The following JARID2 variants were observed in gnomAD, a reference collection of about 807,000 sequenced individuals.
The protein encoded by JARID2 is protein Jumonji.
JARID2 carries 21 observed loss-of-function variants against 125.6 expected under a neutral mutation model. The observed-to-expected ratio is 0.17, with a 90% CI of 0.12 to 0.24. JARID2 has a LOEUF of 0.24. Among genes scored for constraint, JARID2 ranks in the 10% least tolerant of loss-of-function variants. The pLI is 1.00. For synonymous variants in JARID2, 736 were observed against 661.6 expected (o/e 1.11, Z -1.73); for missense variants, 1,303 against 1,639.6 (o/e 0.79, Z 3.55).
In JARID2 at chr6:15,487,763, C is replaced by A. The variant is rs550706855; in HGVS notation, c.906+221C>A. ...GATTTGCATTCATCCCTGGGTGCCA[C>A]TGCATTCACCAAGAAAGTGAACTCA... is the stretch of plus-strand genomic sequence containing the variant. On this transcript the variant is annotated intron_variant, in intron 6 of 17. Coordinates refer to ENST00000341776, the MANE Select transcript of JARID2 (RefSeq NM_004973.4). Among the ~76,000 whole-genome samples, 11 of 152,372 alleles carry A rather than the reference C, an allele frequency of 7.2e-5. No individual in the cohort carries two copies. In the East Asian group the frequency reaches 2.1e-3, roughly 29 times the overall value.
At chr6:15,337,648 C>G (rs1457129320) in intron 1 of JARID2, among the ~76,000 whole-genome samples, 2 of 152,178 alleles carry the variant, frequency 1.3e-5, no homozygotes, top group Admixed American at 1.3e-4. Flanking sequence ...TTGCACTAAG[C>G]AAGGGGCTTT....
Position 15,374,107 on chromosome 6 carries a change from G to T in JARID2, c.46-10G>T, listed in dbSNP as rs1764265046. On this transcript the variant is annotated splice_polypyrimidine_tract_variant and intron_variant, in intron 1 of 17. Transcript: ENST00000341776. ...TTCAGTAACTCCTCTCTTTTCTTAT[G>T]TTTCTTCAGGATGACAGTGATGGGA... 6.2e-7 allele frequency: 1 copy of T among 1,611,646 alleles called. No homozygotes were observed. The highest frequency in any genetic ancestry group is 8.5e-7 in the Non-Finnish European group (1 of 1,178,956).
chr6:15,283,009 C>T (rs1177870065), intron 1 of JARID2, among the ~76,000 whole-genome samples: 2 of 151,698 alleles, frequency 1.3e-5, no homozygotes, highest in African/African-American at 2.4e-5. Flanking sequence ...GACGGAGTCT[C>T]ACTCTGTTGC....
At chr6:15,281,572 C>T (rs767051452) in intron 1 of JARID2, among the ~76,000 whole-genome samples, 34 of 152,302 alleles carry the variant, frequency 2.2e-4, no homozygotes, top group Admixed American at 5.2e-4. Flanking sequence ...ATGGGTTCCC[C>T]GCGTGGGGGG....
chr6:15,258,204 G>A (rs1204476234), intron 1 of JARID2, among the ~76,000 whole-genome samples: 3 of 152,200 alleles, frequency 2.0e-5, no homozygotes, highest in Admixed American at 6.5e-5. Context: ...TGCTTACCAT[G>A]TTCTGACACT....
intron 16 of JARID2, among the ~76,000 whole-genome samples, chr6:15,515,869 A>G (rs1029416236): frequency 6.6e-6 from 1 of 151,794 alleles, no homozygotes; most frequent in African/African-American, 2.4e-5. Flanking sequence ...CACCATCTCT[A>G]CTAAAAATAG....
At chr6:15,354,519 T>G (rs1763533175) in intron 1 of JARID2, among the ~76,000 whole-genome samples, 1 of 152,214 alleles carries the variant, frequency 6.6e-6, no homozygotes, top group African/African-American at 2.4e-5. Context: ...ACATTTGATG[T>G]TACTGCTTAA....
At chr6:15,384,989 T>C (rs1051795542) in intron 2 of JARID2, among the ~76,000 whole-genome samples, 1 of 152,252 alleles carries the variant, frequency 6.6e-6, no homozygotes, top group Non-Finnish European at 1.5e-5. Flanking sequence ...CTGTGCTCGC[T>C]CAGCTTCTGC....
At chr6:15,352,959 C>T (rs1033461714) in intron 1 of JARID2, among the ~76,000 whole-genome samples, 2 of 152,186 alleles carry the variant, frequency 1.3e-5, no homozygotes, top group Non-Finnish European at 2.9e-5. Flanking sequence ...AGTTGATGGA[C>T]ACTTGGCTGG....
chr6:15,469,298 G>GTCTCTGTCTCTCTC (rs1324691618), intron 5 of JARID2, among the ~76,000 whole-genome samples: 2 of 28,298 alleles, frequency 7.1e-5, no homozygotes, highest in Non-Finnish European at 1.4e-4. Context: ...CTGTCTCTCT[G>GTCTCTGTCTCTCTC]TCTCTGTCTC....
At chr6:15,396,224 A>G (rs1765213224) in intron 2 of JARID2, among the ~76,000 whole-genome samples, 1 of 152,214 alleles carries the variant, frequency 6.6e-6, no homozygotes, top group African/African-American at 2.4e-5. Context: ...ATATATATTG[A>G]ACCAAAATTT....
At chr6:15,387,733 G>A (rs1364093298) in intron 2 of JARID2, among the ~76,000 whole-genome samples, 3 of 152,148 alleles carry the variant, frequency 2.0e-5, no homozygotes, top group Non-Finnish European at 4.4e-5. Context: ...GGTAAGTCAG[G>A]AAACCCTTAG....
chr6:15,264,122 G>A (rs1477569234), intron 1 of JARID2, among the ~76,000 whole-genome samples: 2 of 152,106 alleles, frequency 1.3e-5, no homozygotes, highest in Non-Finnish European at 2.9e-5. Flanking sequence ...TGGATGGTGG[G>A]GACTGCAAAT....
At chr6:15,425,336 A>G (rs1357149309) in intron 3 of JARID2, among the ~76,000 whole-genome samples, 1 of 152,220 alleles carries the variant, frequency 6.6e-6, no homozygotes, top group Non-Finnish European at 1.5e-5. Context: ...AGGTGCTGAG[A>G]TGCAGCTACA....
intron 1 of JARID2, chr6:15,368,714 A>C (rs753665749): frequency 2.0e-6 from 1 of 499,972 alleles, no homozygotes; most frequent in East Asian, 5.6e-5. Flanking sequence ...AAGAGGAGTC[A>C]AAGGAAGATT....
At chr6:15,484,553 T>A (rs1769774674) in intron 5 of JARID2, among the ~76,000 whole-genome samples, 1 of 152,198 alleles carries the variant, frequency 6.6e-6, no homozygotes, top group African/African-American at 2.4e-5. Context: ...GTCTCCCAAA[T>A]ACTGTGTACC....
intron 5 of JARID2, 60 bp from the exon 6 acceptor site, chr6:15,487,247 T>C: frequency 7.2e-7 from 1 of 1,385,274 alleles, no homozygotes; most frequent in Non-Finnish European, 1.0e-6. Context: ...ACCATATCAG[T>C]AGTTTGCGTG....
At chr6:15,293,505 T>C (rs1432903541) in intron 1 of JARID2, among the ~76,000 whole-genome samples, 2 of 152,240 alleles carry the variant, frequency 1.3e-5, no homozygotes, top group African/African-American at 4.8e-5. Context: ...TAAATGTTTG[T>C]GATAAGGCCT....
intron 1 of JARID2, among the ~76,000 whole-genome samples, chr6:15,255,836 T>C (rs1759643400): frequency 6.6e-6 from 1 of 152,200 alleles, no homozygotes; most frequent in Non-Finnish European, 1.5e-5. Flanking sequence ...TGTATATGCC[T>C]TATTACTGCT....
Sources: gnomAD v4.1 joint callset for allele counts (sites outside exome capture counted in the v4.1 genomes callset) on GRCh38, gnomAD v4.1.1 for gene constraint, MANE v1.5 for transcripts, NCBI Gene and HGNC (gene_info 2026-07-23, HGNC 2026-07-21) for gene names.